The following NAA11 variants were observed in gnomAD, a reference collection of about 807,000 sequenced individuals.
The protein encoded by NAA11 is N-alpha-acetyltransferase 11.
In NAA11, 15 loss-of-function variants were observed where a neutral mutation model predicts 16.1. The ratio of observed to expected loss-of-function variants is 0.93; its 90% CI spans 0.62 to 1.44. The LOEUF (loss-of-function observed/expected upper bound fraction) is 1.44, where lower values mean the gene tolerates loss of function less well. NAA11 is among the 40% of genes most tolerant of loss of function. NAA11 has a pLI of 0.00. For missense variants in NAA11, 298 were observed against 291.3 expected, an observed-to-expected ratio of 1.02 and a Z score of -0.17; for synonymous variants, 122 against 112.4, an observed-to-expected ratio of 1.09 and a Z score of -0.54.
the NAA11 span, among the ~76,000 whole-genome samples, chr4:79,201,970 A>G: frequency 5.0e-4 from 76 of 151,772 alleles, no homozygotes; most frequent in Non-Finnish European, 9.3e-4. Context: ...TGAAGTTTCA[A>G]TGCATGTATA....
intron 2 of NAA11, among the ~76,000 whole-genome samples, chr4:79,288,199 C>G (rs1722992758): frequency 1.3e-5 from 2 of 152,114 alleles, no homozygotes; most frequent in South Asian, 4.1e-4. Flanking sequence ...TCCCCACTGA[C>G]ACCTCATTAC....
chr4:79,220,385 G>A, the NAA11 span, among the ~76,000 whole-genome samples: 1 of 152,006 alleles, frequency 6.6e-6, no homozygotes, highest in Non-Finnish European at 1.5e-5. Context: ...GAGCCACTGT[G>A]CTGGGCTTTC....
Position 79,325,470 on chromosome 4 carries a change from T to C in NAA11, c.408A>G (p.Lys136=). The C allele has an allele frequency of 6.2e-7, 1 of 1,614,182 alleles. No individual in the cohort carries two copies. Residue 136 remains lysine, a synonymous_variant, in exon 1 of 2, where the codon AAA becomes AAG. Coordinates refer to ENST00000286794, the MANE Select transcript of NAA11 (RefSeq NM_032693.3). ...AAGCATCTTCCCCATCTGCATAGTA[T>C]TTAGGTTCCACCTCACTAATCTGAA... The part of the protein sequence containing the change: ...LNFQISEVEP[K]YYADGEDAYA...
At chr4:79,200,837 T>C in the NAA11 span, among the ~76,000 whole-genome samples, 1 of 151,790 alleles carries the variant, frequency 6.6e-6, no homozygotes, top group Admixed American at 6.6e-5. Context: ...TCTGGGTTTT[T>C]TTCCTAGCTC....
the NAA11 span, among the ~76,000 whole-genome samples, chr4:79,161,209 C>A: frequency 2.6e-5 from 4 of 152,070 alleles, no homozygotes; most frequent in African/African-American, 9.7e-5. Flanking sequence ...CCATTCTTTC[C>A]CTGTTGCGCA....
intron 1 of NAA11, among the ~76,000 whole-genome samples, chr4:79,301,341 G>T (rs1488973162): frequency 1.3e-5 from 2 of 152,130 alleles, no homozygotes; most frequent in Non-Finnish European, 2.9e-5. Flanking sequence ...ACTATGAAGA[G>T]TTCCTTGAAT....
the NAA11 span, among the ~76,000 whole-genome samples, chr4:79,192,263 A>G: frequency 2.0e-5 from 3 of 151,714 alleles, no homozygotes; most frequent in East Asian, 3.9e-4. Flanking sequence ...GTTTTAGGGT[A>G]CATGTGCACA....
At chr4:79,217,677 A>G in the NAA11 span, among the ~76,000 whole-genome samples, 2 of 152,210 alleles carry the variant, frequency 1.3e-5, no homozygotes, top group Non-Finnish European at 2.9e-5. Context: ...AGCTAAACTA[A>G]TTAAGATGCT....
At chr4:79,313,160 AT>A (rs201085784), downstream of NAA11, among the ~76,000 whole-genome samples, 1 of 152,260 alleles carries the variant, frequency 6.6e-6, no homozygotes. Flanking sequence ...CAAAAAAAAA[AT>A]GATCACTGTT....
the NAA11 span, among the ~76,000 whole-genome samples, chr4:79,189,154 A>AAAC: frequency 6.8e-6 from 1 of 147,196 alleles, no homozygotes; most frequent in African/African-American, 2.5e-5. Context: ...TCAAAAAAAA[A>AAAC]AAAAAAAAAA....
chr4:79,257,529 A>G (rs977335867), intron 2 of NAA11, among the ~76,000 whole-genome samples: 4 of 152,020 alleles, frequency 2.6e-5, no homozygotes, highest in African/African-American at 4.8e-5. Context: ...CTCTTTGCCT[A>G]TATTCAAAAT....
chr4:79,282,825 T>A (rs1262889333), intron 2 of NAA11, among the ~76,000 whole-genome samples: 1 of 152,072 alleles, frequency 6.6e-6, no homozygotes, highest in Non-Finnish European at 1.5e-5. Flanking sequence ...TCCATGGAAC[T>A]GGATGAAATT....
chr4:79,196,914 T>G, the NAA11 span, among the ~76,000 whole-genome samples: 1 of 118,176 alleles, frequency 8.5e-6, no homozygotes, highest in Non-Finnish European at 1.6e-5. Context: ...GAAGGGGCCA[T>G]GAACCAGGGA....
chr4:79,190,151 G>C, the NAA11 span, among the ~76,000 whole-genome samples: 2 of 151,944 alleles, frequency 1.3e-5, no homozygotes, highest in Admixed American at 1.3e-4. Context: ...TACAATTTCG[G>C]GAAAAATCCA....
chr4:79,298,793 A>C (rs933430470), intron 1 of NAA11, among the ~76,000 whole-genome samples: 1 of 152,252 alleles, frequency 6.6e-6, no homozygotes, highest in Admixed American at 6.5e-5. Flanking sequence ...GGGCCCAAGC[A>C]AAACTGCCAA....
chr4:79,213,817 A>G, the NAA11 span, among the ~76,000 whole-genome samples: 2 of 152,152 alleles, frequency 1.3e-5, no homozygotes, highest in Admixed American at 6.5e-5. Flanking sequence ...AGCTCTATTC[A>G]TTATAATTGC....
At chr4:79,295,529 T>A (rs528995620) in intron 1 of NAA11, among the ~76,000 whole-genome samples, 6 of 152,348 alleles carry the variant, frequency 3.9e-5, no homozygotes, top group African/African-American at 1.4e-4. Flanking sequence ...CTCCAGAGTT[T>A]ACTTTTAGAC....
the NAA11 span, among the ~76,000 whole-genome samples, chr4:79,200,534 G>T: frequency 6.6e-6 from 1 of 151,812 alleles, no homozygotes; most frequent in Non-Finnish European, 1.5e-5. Flanking sequence ...CTTCCTGAAA[G>T]AAGTGATATT....
At chr4:79,177,415 AAC>A in the NAA11 span, among the ~76,000 whole-genome samples, 1 of 122,598 alleles carries the variant, frequency 8.2e-6, no homozygotes, top group East Asian at 2.6e-4. Context: ...AAAAAAAAAA[AAC>A]CATAAACATG....
Sources: allele counts gnomAD v4.1 joint callset (sites outside exome capture counted in the v4.1 genomes callset), GRCh38; gene constraint gnomAD v4.1.1; transcripts MANE v1.5; gene names NCBI Gene and HGNC (gene_info 2026-07-23, HGNC 2026-07-21).